Variants in NLRP1 observed in about 807,000 individuals in gnomAD.
NLRP1 encodes NLR family pyrin domain containing 1, also known as NACHT, LRR and PYD domains-containing protein 1.
A neutral mutation model predicts 136.7 loss-of-function variants in NLRP1; 94 were observed. The ratio of observed to expected loss-of-function variants is 0.69; its 90% CI spans 0.58 to 0.82. NLRP1 has a LOEUF of 0.82. NLRP1 is among the 40% of genes least tolerant of loss of function. The pLI, the probability that NLRP1 is intolerant of heterozygous loss-of-function variation, is 0.00. For synonymous variants in NLRP1, 690 were observed against 725.1 expected (o/e 0.95, Z 0.78); for missense variants, 1,575 against 1,802.7 (o/e 0.87, Z 2.29).
At chr17:5,573,377 T>G (rs1471279474) in intron 3 of NLRP1, among the ~76,000 whole-genome samples, 2 of 152,154 alleles carry the variant, frequency 1.3e-5, no homozygotes, top group African/African-American at 4.8e-5. Flanking sequence ...CTCTGTAGAC[T>G]CCACCTCTGG....
Position 5,517,361 on chromosome 17 carries a change from TC to T in NLRP1, c.4057+384del, listed in dbSNP as rs1908280181. Among the ~76,000 whole-genome samples the T allele has an allele frequency of 2.4e-3, 100 of 42,418 alleles. 26 individuals carry two copies. The highest frequency in any genetic ancestry group is 0.014 in the Admixed American group (49 of 3,440). 27.8% of individuals were successfully genotyped at this position (42,418 alleles called of 152,430 possible). A position where few individuals can be genotyped will look rare whatever the true frequency, so the allele number is the denominator to read the frequency against. ...ATAGTGCACTCTGCACCCCCCCCCC[TC>T]CCACATACACAGACTTTCTTCCATT... On this transcript the variant is annotated intron_variant, in intron 15 of 16. Coordinates refer to ENST00000572272, the MANE Select transcript of NLRP1 (RefSeq NM_033004.4).
intron 3 of NLRP1, among the ~76,000 whole-genome samples, chr17:5,576,373 C>T (rs539488986): frequency 3.0e-4 from 45 of 152,064 alleles, no homozygotes; most frequent in Admixed American, 2.2e-3. Context: ...ATTGATAGAC[C>T]GCTAGCAAGA....
intron 5 of NLRP1, among the ~76,000 whole-genome samples, chr17:5,547,473 C>T (rs71368564): frequency 0.046 from 7,060 of 152,268 alleles, 196 homozygotes; most frequent in Middle Eastern, 0.082. Flanking sequence ...GAATGTCCTT[C>T]CCCAGCCCAT....
In NLRP1 at chr17:5,583,916, C is replaced by G; in HGVS notation, c.42G>C (p.Glu14Asp). 6.2e-7 allele frequency: 1 copy of G among 1,608,764 alleles called. No individual in the cohort carries two copies. The highest frequency in any genetic ancestry group is 2.2e-5 in the East Asian group (1 of 44,854). ...GAWGRLACYL[E>D]FLKKEELKEF... ...CCTTCAGCTCCTCCTTCTTCAGGAA[C>G]TCCAAGTAACAGGCCAGGCGGCCCC... Residue 14 changes from glutamate (E) to aspartate (D), a missense_variant, in exon 1 of 17, where the codon GAG (glutamate) becomes GAC (aspartate). By Grantham distance (45) the Glu-to-Asp change is conservative (BLOSUM62 2). Coordinates refer to ENST00000572272, the MANE Select transcript of NLRP1 (RefSeq NM_033004.4). The surrounding 1 kb of genome is among the most constrained non-coding windows in gnomAD (Gnocchi z 4.5).
chr17:5,576,225 C>T (rs1396878213), intron 3 of NLRP1, among the ~76,000 whole-genome samples: 1 of 152,100 alleles, frequency 6.6e-6, no homozygotes, highest in Non-Finnish European at 1.5e-5. Flanking sequence ...ACTAGAAAAG[C>T]AAGAGCAAAC....
intron 3 of NLRP1, among the ~76,000 whole-genome samples, chr17:5,561,738 C>T (rs1914781269): frequency 2.3e-5 from 1 of 43,084 alleles, no homozygotes; most frequent in Admixed American, 2.3e-4. Context: ...CCACCGCGCC[C>T]GGCCCCATGT....
chr17:5,545,648 T>C (rs930745427), intron 5 of NLRP1, among the ~76,000 whole-genome samples: 14 of 152,300 alleles, frequency 9.2e-5, no homozygotes, highest in African/African-American at 3.4e-4. Context: ...GGACAATCAC[T>C]GTCTTCCTTC....
intron 3 of NLRP1, among the ~76,000 whole-genome samples, chr17:5,578,145 A>G (rs1208631285): frequency 2.6e-5 from 4 of 152,206 alleles, no homozygotes; most frequent in Non-Finnish European, 5.9e-5. Context: ...CAGACCTAAA[A>G]CCATAAAAAC....
chr17:5,532,541 A>T (rs1910441504), intron 11 of NLRP1, among the ~76,000 whole-genome samples: 1 of 152,256 alleles, frequency 6.6e-6, no homozygotes, highest in African/African-American at 2.4e-5. Flanking sequence ...GAATTTGGCA[A>T]AACAGTGGCT....
Position 5,515,492 on chromosome 17 carries a change from C to G in NLRP1, c.4083G>C (p.Leu1361=), listed in dbSNP as rs1350613833. ...ACTGACCTATGCGGGCTGGAGGGATCAGAGTAGTTGCAGGCATGAGATCTC... is the reference window on the plus strand; with the variant it reads ...ACTGACCTATGCGGGCTGGAGGGATGAGAGTAGTTGCAGGCATGAGATCTC... The part of the protein sequence containing the change: ...KPGDLMPATT[L]IPPARIAVPS... Residue 1361 remains leucine (L), a synonymous_variant, in exon 16 of 17, where the codon CTG becomes CTC. Coordinates refer to ENST00000572272, the MANE Select transcript of NLRP1 (RefSeq NM_033004.4). The G allele has an allele frequency of 1.2e-6, 2 of 1,613,702 alleles. No individual in the cohort carries two copies. The highest frequency in any genetic ancestry group is 1.7e-6 in the Non-Finnish European group (2 of 1,179,658).
downstream of NLRP1, among the ~76,000 whole-genome samples, chr17:5,511,439 T>TAAAAA (rs60642771): frequency 5.4e-4 from 74 of 137,334 alleles, 6 homozygotes; most frequent in Middle Eastern, 3.7e-3. Context: ...AGCCTCCGTC[T>TAAAAA]AAAAAAAAAA....
intron 3 of NLRP1, among the ~76,000 whole-genome samples, chr17:5,568,457 AT>A (rs1915546132): frequency 6.6e-6 from 1 of 152,100 alleles, no homozygotes; most frequent in Non-Finnish European, 1.5e-5. Flanking sequence ...AGAATTCTGA[AT>A]TCCTTCTCTG....
In NLRP1 at chr17:5,541,999, C is replaced by T; in HGVS notation, c.2557G>A (p.Asp853Asn). The part of the protein sequence containing the change: ...RLAGCGLTAE[D>N]CKDLAFGLRA... ...AGCCCAAAGGCAAGGTCCTTGCAGT[C>T]CTCAGCTGTGAGGCCACAGCCAGCC... The change falls in exon 6 of 17, where the codon GAC becomes AAC. Residue 853 changes from aspartate (D) to asparagine (N), a missense_variant. Coordinates refer to ENST00000572272, the MANE Select transcript of NLRP1 (RefSeq NM_033004.4). The surrounding 1 kb of genome is among the most constrained non-coding windows in gnomAD (Gnocchi z 4.2). 2 of 1,613,906 alleles carry T rather than the reference C, an allele frequency of 1.2e-6. No individual in the cohort carries two copies. Among genetic ancestry groups the T allele is most frequent in the Non-Finnish European group, 1.7e-6 (2 of 1,179,940 alleles).
intron 4 of NLRP1, among the ~76,000 whole-genome samples, chr17:5,553,940 TA>T (rs1567656326): frequency 6.6e-6 from 1 of 152,088 alleles, no homozygotes; most frequent in African/African-American, 2.4e-5. Context: ...AAAAATTTTT[TA>T]AAAAAATTTG....
Position 5,514,683 on chromosome 17 carries a change from G to A in NLRP1, c.*71C>T. The A allele has an allele frequency of 6.3e-7, 1 of 1,579,246 alleles. No homozygotes were observed. The highest frequency in any genetic ancestry group is 8.6e-7 in the Non-Finnish European group (1 of 1,161,276). On this transcript the variant is annotated 3_prime_UTR_variant, in exon 17 of 17. Coordinates refer to ENST00000572272, the MANE Select transcript of NLRP1 (RefSeq NM_033004.4). Reference sequence around the variant, plus strand: ...AACCAGATGGCAACTTGTTTGCAGAGAAAGAAACTGAGACCCAAAGAAGGG... The same window carrying A: ...AACCAGATGGCAACTTGTTTGCAGAAAAAGAAACTGAGACCCAAAGAAGGG...
chr17:5,507,466 G>A (rs567157882), intron 15 of NLRP1, among the ~76,000 whole-genome samples: 1 of 152,266 alleles, frequency 6.6e-6, no homozygotes, highest in African/African-American at 2.4e-5. Flanking sequence ...AGGCCGAGGT[G>A]GGCAGATTGC....
intron 14 of NLRP1, among the ~76,000 whole-genome samples, 162 bp downstream of exon 14, chr17:5,520,719 T>C (rs113746770): frequency 5.3e-5 from 8 of 152,286 alleles, no homozygotes; most frequent in South Asian, 2.1e-4. Context: ...ACTTTCTTTC[T>C]CCTAGTCTTG....
In NLRP1 at chr17:5,584,103, C is replaced by G. The variant is rs199989038; in HGVS notation, c.-146G>C. The G allele has an allele frequency of 3.2e-5, 25 of 777,578 alleles. No individual in the cohort carries two copies. The highest frequency in any genetic ancestry group is 5.8e-5 in the Admixed American group (2 of 34,750). 48.2% of individuals were successfully genotyped at this position (777,578 alleles called of 1,614,324 possible). Reference sequence around the variant, plus strand: ...ACCCAGTTTTATAAATCCCAGGGCACCTACAGATAGACGCCGATAGAGGGG... The same window carrying G: ...ACCCAGTTTTATAAATCCCAGGGCAGCTACAGATAGACGCCGATAGAGGGG... On this transcript the variant is annotated 5_prime_UTR_variant, in exon 1 of 17. Transcript: ENST00000572272.
In NLRP1 at chr17:5,533,388, C is replaced by T. The variant is rs1419941352; in HGVS notation, c.3053-4G>A. ...GCAACATGGGAAGCCGCCCTCTCTA[C>T]AGAAAAAAGAAAAATATCAGCCAGG... On this transcript the variant is annotated splice_region_variant and splice_polypyrimidine_tract_variant and intron_variant, in intron 9 of 16. Transcript: ENST00000572272. The T allele has an allele frequency of 1.9e-6, 2 of 1,044,166 alleles. No individual in the cohort carries two copies. Among genetic ancestry groups the T allele is most frequent in the Non-Finnish European group, 2.9e-6 (2 of 685,930 alleles). 64.7% of individuals were successfully genotyped at this position (1,044,166 alleles called of 1,614,324 possible).
Sources: allele counts gnomAD v4.1 joint callset (sites outside exome capture counted in the v4.1 genomes callset), GRCh38; gene constraint gnomAD v4.1.1; non-coding constraint Gnocchi (gnomAD v3.1); transcripts MANE v1.5; gene names NCBI Gene and HGNC (gene_info 2026-07-23, HGNC 2026-07-21).